Variants in KASH5 observed in about 807,000 individuals in gnomAD.
The protein encoded by KASH5 is KASH domain containing 5, also known as protein KASH5.
Under a neutral mutation model 84.2 loss-of-function variants are expected in KASH5, and 72 were observed. The observed-to-expected ratio is 0.85, with a 90% CI of 0.71 to 1.04. The LOEUF (loss-of-function observed/expected upper bound fraction) is 1.04. KASH5 is among the 50% of genes least tolerant of loss of function. The pLI, the probability that KASH5 is intolerant of heterozygous loss-of-function variation, is 0.00. For synonymous variants in KASH5, 260 were observed against 279.1 expected (o/e 0.93, Z 0.68); for missense variants, 650 against 701.0 (o/e 0.93, Z 0.82).
In KASH5 at chr19:49,407,261, C is replaced by T. The variant is rs1974556075; in HGVS notation, c.898C>T (p.His300Tyr). 1 of 1,613,782 alleles carries T rather than the reference C, an allele frequency of 6.2e-7. No homozygotes were observed. Residue 300 changes from histidine (H) to tyrosine (Y), a missense_variant, in exon 11 of 20, where the codon CAC becomes TAC. Coordinates refer to ENST00000447857, the MANE Select transcript of KASH5 (RefSeq NM_144688.5). Reference sequence around the variant, plus strand: ...GCAGCGGCAGCTCTTTGAGTGTGAACACCTCATTTGCCAAAGAGACACCAT... The same window carrying T: ...GCAGCGGCAGCTCTTTGAGTGTGAATACCTCATTTGCCAAAGAGACACCAT... ...TLKRQLFECE[H>Y]LICQRDTILS...
intron 17 of KASH5, chr19:49,415,434 C>T (rs1444610754): frequency 7.8e-6 from 2 of 256,742 alleles, no homozygotes; most frequent in Non-Finnish European, 1.5e-5. Flanking sequence ...CTCTGCTCCT[C>T]AGAGCCCAGT....
Position 49,412,933 on chromosome 19 carries a change from G to GA in KASH5, c.1270-33dup, listed in dbSNP as rs1296620852. ...TTAGGGTTGGAGCTTTGAGTGAGAAGAATCAGAGAAGAACTAACCTTTTTG... is the reference window on the plus strand; with the variant it reads ...TTAGGGTTGGAGCTTTGAGTGAGAAGAAATCAGAGAAGAACTAACCTTTTTG... On this transcript the variant is annotated intron_variant, in intron 15 of 19. Coordinates refer to ENST00000447857, the MANE Select transcript of KASH5 (RefSeq NM_144688.5). The surrounding 1 kb of genome is among the most constrained non-coding windows in gnomAD (Gnocchi z 4.6). 61 of 1,602,908 alleles carry GA rather than the reference G, an allele frequency of 3.8e-5. No individual in the cohort carries two copies. The highest frequency in any genetic ancestry group is 5.2e-5 in the Non-Finnish European group (61 of 1,171,788).
chr19:49,405,198 T>C (rs1974483974), intron 9 of KASH5, among the ~76,000 whole-genome samples: 1 of 152,164 alleles, frequency 6.6e-6, no homozygotes, highest in African/African-American at 2.4e-5. Context: ...GGCTCACCCC[T>C]GTAATCCCAG....
intron 7 of KASH5, among the ~76,000 whole-genome samples, chr19:49,398,629 A>G (rs750269468): frequency 9.2e-5 from 14 of 152,036 alleles, no homozygotes; most frequent in Non-Finnish European, 1.3e-4. Flanking sequence ...TTATCCTCCC[A>G]AAGTGCTGGG....
chr19:49,407,045 T>C, intron 10 of KASH5, 82 bp downstream of exon 10: 1 of 1,398,512 alleles, frequency 7.2e-7, no homozygotes, highest in Non-Finnish European at 9.9e-7. Context: ...GACTGCAGCC[T>C]GATAAGGGCA....
Position 49,399,533 on chromosome 19 carries a change from C to T in KASH5, c.798+26C>T, listed in dbSNP as rs770935827. 8.8e-6 allele frequency: 14 copies of T among 1,593,138 alleles called. No homozygotes were observed. The highest frequency in any genetic ancestry group is 7.1e-5 in the Admixed American group (4 of 56,368). On this transcript the variant is annotated intron_variant, in intron 9 of 19. Transcript: ENST00000447857. This position sits in a 1 kb window ranked among gnomAD's most constrained non-coding sequence, Gnocchi z 4.4. ...GTGAGCGGAGGCCCAGCACCACCCC[C>T]ACCCCTTCCCCAGTCCTTAAGGTCT...
chr19:49,401,105 T>A (rs1363469117), intron 9 of KASH5, among the ~76,000 whole-genome samples: 1 of 152,208 alleles, frequency 6.6e-6, no homozygotes, highest in Non-Finnish European at 1.5e-5. Flanking sequence ...GCATTGCCTT[T>A]GGATCTCTGG....
intron 1 of KASH5, among the ~76,000 whole-genome samples, chr19:49,388,692 C>CAAA (rs947198504): frequency 4.5e-5 from 4 of 88,224 alleles, no homozygotes; most frequent in Non-Finnish European, 9.8e-5. Context: ...GACTCCGTCT[C>CAAA]AAAAAAAAAA....
chr19:49,413,118 C>T, intron 16 of KASH5, 92 bp downstream of exon 16: 1 of 1,206,692 alleles, frequency 8.3e-7, no homozygotes, highest in Non-Finnish European at 1.2e-6. Context: ...AGGGGATCGG[C>T]ATTCATTCAT....
Position 49,395,546 on chromosome 19 carries a change from C to A in KASH5, c.336-223C>A. The stretch of plus-strand genomic sequence containing the variant: ...GGCTGGAGAAGGGAGGAGTTTGGGG[C>A]TGACAGAGGTCCCTCCCCAACCCTT... On this transcript the variant is annotated intron_variant, in intron 4 of 19. Coordinates refer to ENST00000447857, the MANE Select transcript of KASH5 (RefSeq NM_144688.5). This position sits in a 1 kb window ranked among gnomAD's most constrained non-coding sequence, Gnocchi z 4.4. 1 of 617,726 alleles carries A rather than the reference C, an allele frequency of 1.6e-6. No homozygotes were observed. Among genetic ancestry groups the A allele is most frequent in the Non-Finnish European group, 2.8e-6 (1 of 354,020 alleles). 38.3% of individuals were successfully genotyped at this position (617,726 alleles called of 1,614,324 possible).
Position 49,414,947 on chromosome 19 carries a change from T to A in KASH5, c.1329-4T>A. On this transcript the variant is annotated splice_polypyrimidine_tract_variant and splice_region_variant and intron_variant, in intron 16 of 19. Coordinates refer to ENST00000447857, the MANE Select transcript of KASH5 (RefSeq NM_144688.5). This position sits in a 1 kb window ranked among gnomAD's most constrained non-coding sequence, Gnocchi z 4.5. ...AAGCCAGCAGTGACTTTGTTGGCCC[T>A]CAGGTTGACCAGAAGAGAGGAAGAG... The A allele has an allele frequency of 6.2e-7, 1 of 1,612,308 alleles. No homozygotes were observed. The highest frequency in any genetic ancestry group is 8.5e-7 in the Non-Finnish European group (1 of 1,179,356).
chr19:49,398,934 C>A, intron 7 of KASH5, 91 bp from the exon 8 acceptor site: 1 of 967,888 alleles, frequency 1.0e-6, no homozygotes, highest in Non-Finnish European at 1.6e-6. Flanking sequence ...TGGGATCTCT[C>A]TGTTGCTAGT....
rs772069638 is a variant in KASH5, at chr19:49,417,093, C to T, written c.1439+14C>T. On this transcript the variant is annotated intron_variant, in intron 18 of 19. Coordinates refer to ENST00000447857, the MANE Select transcript of KASH5 (RefSeq NM_144688.5). This position sits in a 1 kb window ranked among gnomAD's most constrained non-coding sequence, Gnocchi z 5.2. Reference sequence around the variant, plus strand: ...CCCTCCAGAGAGGTAATAGGACCCACAGGGTCCAGGAGGGACACTGGGGCA... The same window carrying T: ...CCCTCCAGAGAGGTAATAGGACCCATAGGGTCCAGGAGGGACACTGGGGCA... 1.2e-5 allele frequency: 20 copies of T among 1,602,736 alleles called. No individual in the cohort carries two copies. The highest frequency in any genetic ancestry group is 1.2e-4 in the South Asian group (11 of 89,118).
chr19:49,410,128 T>C (rs1366872793), intron 15 of KASH5, among the ~76,000 whole-genome samples: 1 of 152,250 alleles, frequency 6.6e-6, no homozygotes, highest in African/African-American at 2.4e-5. Flanking sequence ...CTGTGGCTTT[T>C]ATTGTTGGTT....
chr19:49,413,081 T>G, intron 16 of KASH5, 55 bp downstream of exon 16: 6 of 1,528,544 alleles, frequency 3.9e-6, no homozygotes, highest in Non-Finnish European at 5.4e-6. Context: ...CACAGCTGTT[T>G]ACAGTAGGAG....
chr19:49,394,039 C>A (rs1176235850), intron 2 of KASH5, among the ~76,000 whole-genome samples: 1 of 152,128 alleles, frequency 6.6e-6, no homozygotes, highest in Admixed American at 6.5e-5. Context: ...ATGCAGCAGG[C>A]GGGATCGATC....
intron 9 of KASH5, among the ~76,000 whole-genome samples, chr19:49,406,287 C>T (rs1272518135): frequency 6.7e-6 from 1 of 149,348 alleles, no homozygotes; most frequent in East Asian, 1.9e-4. Context: ...TGAGTCAACA[C>T]ATGCAAAATG....
chr19:49,407,756 G>A (rs1974578570), intron 12 of KASH5, 85 bp downstream of exon 12: 4 of 1,386,850 alleles, frequency 2.9e-6, no homozygotes, highest in Admixed American at 2.0e-5. Context: ...TCCTCCTCGT[G>A]CCTCTTTGTC....
In KASH5 at chr19:49,417,435, C is replaced by T. The variant is rs267605585; in HGVS notation, c.1614C>T (p.Val538=). Residue 538 remains valine, a synonymous_variant, in exon 20 of 20, where the codon GTC becomes GTT. Coordinates refer to ENST00000447857, the MANE Select transcript of KASH5 (RefSeq NM_144688.5). This position sits in a 1 kb window ranked among gnomAD's most constrained non-coding sequence, Gnocchi z 5.2. ...TGCTGCTGCTGCTGCTGCTCTCTGT[C>T]CTGCTGCTTGGCCCGTCCCCACCTC... ...LGLLLLLLLS[V]LLLGPSPPPT... 1.3e-6 allele frequency: 2 copies of T among 1,556,126 alleles called. No homozygotes were observed. The highest frequency in any genetic ancestry group is 1.4e-5 in the African/African-American group (1 of 73,288).
Sources: gnomAD v4.1 joint callset for allele counts (sites outside exome capture counted in the v4.1 genomes callset) on GRCh38, gnomAD v4.1.1 for gene constraint, Gnocchi (gnomAD v3.1) non-coding constraint, MANE v1.5 for transcripts, NCBI Gene and HGNC (gene_info 2026-07-23, HGNC 2026-07-21) for gene names.